P2RY14: variants seen among roughly 807,000 people sequenced by gnomAD.
The protein encoded by P2RY14 is P2Y purinoceptor 14.
Under a neutral mutation model 0.9 loss-of-function variants are expected in P2RY14, and 2 were observed. The ratio of observed to expected loss-of-function variants is 2.16; its 90% confidence interval spans 0.88 to 6.79. P2RY14 has a LOEUF of 6.79. P2RY14 is among the 30% of genes most tolerant of loss of function. The pLI, the probability that P2RY14 is intolerant of heterozygous loss-of-function variation, is 0.05. For missense variants in P2RY14, 378 were observed against 400.1 expected, an observed-to-expected ratio of 0.94 and a Z score of 0.47; for synonymous variants, 158 against 147.2, an observed-to-expected ratio of 1.07 and a Z score of -0.53.
In P2RY14 at chr3:151,219,616, G is replaced by A. The variant is rs1287753265; in HGVS notation, c.-106C>T. The A allele has an allele frequency of 6.6e-6, 1 of 152,068 alleles. No homozygotes were observed. Among genetic ancestry groups the A allele is most frequent in the Non-Finnish European group, 1.5e-5 (1 of 68,004 alleles). 9.4% of individuals were successfully genotyped at this position (152,068 alleles called of 1,614,324 possible). A position where few individuals can be genotyped will look rare whatever the true frequency, so the allele number is the denominator to read the frequency against. Reference sequence around the variant, plus strand: ...CAGTGAGCGTTTGTCGTCTTGAAGTGGCCCAAGTGTTTTTTCATTAAAGAT... The same window carrying A: ...CAGTGAGCGTTTGTCGTCTTGAAGTAGCCCAAGTGTTTTTTCATTAAAGAT... On this transcript the variant is annotated 5_prime_UTR_variant, in exon 2 of 3. Transcript: ENST00000309170.
intron 1 of P2RY14, chr3:151,241,939 G>T (rs1734199033): frequency 1.3e-5 from 2 of 153,160 alleles, no homozygotes; most frequent in Admixed American, 6.5e-5. Context: ...GCCGAAGCAG[G>T]GCGAGGCACT....
intron 1 of P2RY14, among the ~76,000 whole-genome samples, chr3:151,235,061 CACTT>C (rs1327483754): frequency 6.6e-6 from 1 of 152,202 alleles, no homozygotes; most frequent in African/African-American, 2.4e-5. Flanking sequence ...GGGTAGCAGA[CACTT>C]AGTGCCTTTG....
At chr3:151,221,924 A>G (rs1221805371) in intron 1 of P2RY14, among the ~76,000 whole-genome samples, 1 of 152,218 alleles carries the variant, frequency 6.6e-6, no homozygotes, top group African/African-American at 2.4e-5. Context: ...GGTCTGGAAA[A>G]GTTGCAGATA....
At chr3:151,230,570 CTTT>C (rs368433695) in intron 1 of P2RY14, among the ~76,000 whole-genome samples, 5 of 139,446 alleles carry the variant, frequency 3.6e-5, no homozygotes, top group Non-Finnish European at 4.7e-5. Context: ...TTACTCCACG[CTTT>C]TTTTTTTTTT....
chr3:151,216,021 G>A (rs182353500), intron 2 of P2RY14, among the ~76,000 whole-genome samples: 1 of 152,136 alleles, frequency 6.6e-6, no homozygotes, highest in Non-Finnish European at 1.5e-5. Flanking sequence ...TCCTAGCCTG[G>A]TTTGGGGTGG....
chr3:151,220,807 G>A (rs573210877), intron 1 of P2RY14, among the ~76,000 whole-genome samples: 5 of 152,268 alleles, frequency 3.3e-5, no homozygotes, highest in South Asian at 4.1e-4. Context: ...GTGTGAAAAC[G>A]GACTAATACA....
rs992264170 is a variant in P2RY14 at position 151,212,824 on chromosome 3, A to G, written c.*476T>C. 6.6e-6 allele frequency: 1 copy of G among 152,014 alleles called. No homozygotes were observed. The highest frequency in any genetic ancestry group is 1.5e-5 in the Non-Finnish European group (1 of 68,000). 9.4% of individuals were successfully genotyped at this position (152,014 alleles called of 1,614,324 possible). A position where few individuals can be genotyped will look rare whatever the true frequency, so the allele number is the denominator to read the frequency against. ...AATCAGGAAAAAAACCTGACTTTTT[A>G]TTGCAAACAGCTCTCTAGCCCTTCA... On this transcript the variant is annotated 3_prime_UTR_variant, in exon 3 of 3. Coordinates refer to ENST00000309170, the MANE Select transcript of P2RY14 (RefSeq NM_014879.4).
At chr3:151,263,170 G>A (rs1384447512) in intron 1 of P2RY14, among the ~76,000 whole-genome samples, 2 of 152,106 alleles carry the variant, frequency 1.3e-5, no homozygotes, top group Non-Finnish European at 2.9e-5. Flanking sequence ...GTGTGCACAG[G>A]CCCTGTGCTT....
chr3:151,214,294 T>C lies in P2RY14; in HGVS notation c.23A>G (p.Gln8Arg). 1.2e-6 allele frequency: 2 copies of C among 1,613,538 alleles called. No individual in the cohort carries two copies. The highest frequency in any genetic ancestry group is 1.7e-6 in the Non-Finnish European group (2 of 1,179,716). The change falls in exon 3 of 3, where the codon CAG (glutamine) becomes CGG (arginine). Residue 8 changes from glutamine (Q) to arginine (R), a missense_variant. By Grantham distance (43) the Gln-to-Arg change is conservative (BLOSUM62 1). Transcript: ENST00000309170. MINSTST[Q>R]PPDESCSQNL... is the part of the protein sequence containing the mutation. The stretch of plus-strand genomic sequence containing the variant: ...CTGAGAGCAGGATTCATCTGGAGGC[T>C]GTGTGGAGGTTGAATTGATCATCTT...
chr3:151,274,886 A>G (rs891762909), intron 1 of P2RY14, among the ~76,000 whole-genome samples: 1 of 152,180 alleles, frequency 6.6e-6, no homozygotes, highest in East Asian at 1.9e-4. Context: ...CCTCATTGTA[A>G]GGAATCAGTG....
rs77891814 is a variant in P2RY14, at chr3:151,271,343, A to G, written c.-133+6944T>C. 3.0e-3 allele frequency among the ~76,000 whole-genome samples: 454 copies of G among 152,352 alleles called. 2 individuals are homozygous for G. Among genetic ancestry groups the G allele is most frequent in the African/African-American group, 0.01 (436 of 41,582 alleles). ...ACTTTCACCCATTAGAATGGAAAAAAACTTGACAATGTTAAGAATTGACGA... is the reference window on the plus strand; with the variant it reads ...ACTTTCACCCATTAGAATGGAAAAAGACTTGACAATGTTAAGAATTGACGA... On this transcript the variant is annotated intron_variant, in intron 1 of 2. Transcript: ENST00000309170.
At chr3:151,216,672 C>G (rs993240548) in intron 2 of P2RY14, among the ~76,000 whole-genome samples, 1 of 152,170 alleles carries the variant, frequency 6.6e-6, no homozygotes, top group Non-Finnish European at 1.5e-5. Context: ...CTTCCTCTTC[C>G]CTGTAGCCTT....
chr3:151,242,475 C>T (rs991688093), intron 1 of P2RY14, among the ~76,000 whole-genome samples: 4 of 151,872 alleles, frequency 2.6e-5, no homozygotes, highest in African/African-American at 7.3e-5. Flanking sequence ...CCCTGAGCAG[C>T]CTAACTGGGA....
intron 1 of P2RY14, among the ~76,000 whole-genome samples, chr3:151,243,489 A>C (rs559899467): frequency 6.6e-6 from 1 of 152,214 alleles, no homozygotes; most frequent in Non-Finnish European, 1.5e-5. Flanking sequence ...AGAATTTTCA[A>C]CCTGGAATTT....
chr3:151,269,094 T>C (rs1740372374), intron 1 of P2RY14, among the ~76,000 whole-genome samples: 1 of 151,926 alleles, frequency 6.6e-6, no homozygotes, highest in Non-Finnish European at 1.5e-5. Flanking sequence ...AAAGAAGCAA[T>C]TGAATATATT....
At chr3:151,237,045 CTTT>C (rs56926535) in intron 1 of P2RY14, among the ~76,000 whole-genome samples, 4 of 125,854 alleles carry the variant, frequency 3.2e-5, no homozygotes, top group East Asian at 2.3e-4. Flanking sequence ...TGATGCCAAA[CTTT>C]TTTTTTTTTT....
intron 1 of P2RY14, among the ~76,000 whole-genome samples, chr3:151,246,614 A>G (rs1444545101): frequency 2.0e-5 from 3 of 152,200 alleles, no homozygotes; most frequent in Non-Finnish European, 4.4e-5. Context: ...TTATACAAAA[A>G]TCAATTCAAG....
At chr3:151,246,012 C>G (rs1369631417) in intron 1 of P2RY14, among the ~76,000 whole-genome samples, 21 of 150,786 alleles carry the variant, frequency 1.4e-4, no homozygotes, top group African/African-American at 3.9e-4. Flanking sequence ...AGTGAACTCC[C>G]ATTCACAATT....
chr3:151,224,226 G>T (rs1034341384), intron 1 of P2RY14, among the ~76,000 whole-genome samples: 21 of 152,002 alleles, frequency 1.4e-4, no homozygotes, highest in Non-Finnish European at 2.6e-4. Flanking sequence ...TTCTTATAAA[G>T]GTACAACTTT....
Sources: gnomAD v4.1 joint callset for allele counts (sites outside exome capture counted in the v4.1 genomes callset) on GRCh38, gnomAD v4.1.1 for gene constraint, MANE v1.5 for transcripts, NCBI Gene and HGNC (gene_info 2026-07-23, HGNC 2026-07-21) for gene names.